The following BBS9 variants were observed in gnomAD, a reference collection of about 807,000 sequenced individuals.
BBS9 encodes the protein Bardet-Biedl syndrome 9.
In BBS9, 89 loss-of-function variants were observed where a neutral mutation model predicts 117.7. The observed-to-expected ratio is 0.76, with a 90% CI of 0.64 to 0.90. The LOEUF (loss-of-function observed/expected upper bound fraction) is 0.90. BBS9 is among the 40% of genes least tolerant of loss of function. The pLI is 0.00. For synonymous variants in BBS9, 379 were observed against 370.9 expected (o/e 1.02, Z -0.25); for missense variants, 982 against 1,042.2 (o/e 0.94, Z 0.80).
intron 5 of BBS9, among the ~76,000 whole-genome samples, chr7:33,210,774 G>C (rs1037222081): frequency 6.6e-6 from 1 of 151,874 alleles, no homozygotes; most frequent in Non-Finnish European, 1.5e-5. Flanking sequence ...CCTCTGCCTC[G>C]GTCTCCCAAA....
At chr7:33,489,527 G>T (rs1011367294) in intron 19 of BBS9, among the ~76,000 whole-genome samples, 4 of 151,938 alleles carry the variant, frequency 2.6e-5, no homozygotes, top group African/African-American at 9.7e-5. Context: ...ACTAAGAGGA[G>T]ACTGCTCAAC....
intron 9 of BBS9, among the ~76,000 whole-genome samples, chr7:33,300,187 C>T (rs1407288694): frequency 6.6e-6 from 1 of 152,126 alleles, no homozygotes; most frequent in African/African-American, 2.4e-5. Context: ...ATCCTGGAGA[C>T]TCAGCAGGGA....
intron 19 of BBS9, among the ~76,000 whole-genome samples, chr7:33,449,205 G>A (rs1180425967): frequency 6.6e-6 from 1 of 152,142 alleles, no homozygotes; most frequent in African/African-American, 2.4e-5. Flanking sequence ...ACTTTAGCTG[G>A]GGTGTCAGCC....
At chr7:33,243,003 G>A (rs186308559) in intron 5 of BBS9, 32 of 518,172 alleles carry the variant, frequency 6.2e-5, no homozygotes, top group African/African-American at 5.2e-4. Flanking sequence ...CAGTAAATGA[G>A]GACAATAATT....
intron 19 of BBS9, among the ~76,000 whole-genome samples, chr7:33,436,255 A>G (rs1437317271): frequency 6.6e-6 from 1 of 152,178 alleles, no homozygotes; most frequent in Non-Finnish European, 1.5e-5. Context: ...CAAAACATAC[A>G]CCATTGCTAT....
intron 21 of BBS9, among the ~76,000 whole-genome samples, chr7:33,536,681 T>TCCCCCCCCCC (rs1563323298): frequency 1.6e-4 from 7 of 44,278 alleles, no homozygotes; most frequent in South Asian, 7.2e-4. Flanking sequence ...GATTCGGCCT[T>TCCCCCCCCCC]CCCCCCGCCC....
At position 33,556,175 on chromosome 7, in the gene BBS9, C is replaced by G. The variant is rs192616460; in HGVS notation, c.2521+21999C>G. On this transcript the variant is annotated intron_variant, in intron 21 of 22. Coordinates refer to ENST00000242067, the MANE Select transcript of BBS9 (RefSeq NM_198428.3). ...CAAAAATTTATTAGACAGCAAGTCT[C>G]TCTCACGGCAATAGGAGTGAGTTTA... is the stretch of plus-strand genomic sequence containing the variant. Among the ~76,000 whole-genome samples the G allele has an allele frequency of 2.2e-4, 34 of 152,310 alleles. 1 individual carries two copies. The highest frequency in any genetic ancestry group is 7.5e-4 in the African/African-American group (31 of 41,576).
At chr7:33,427,681 G>A (rs146627896) in intron 19 of BBS9, among the ~76,000 whole-genome samples, 2 of 152,164 alleles carry the variant, frequency 1.3e-5, no homozygotes, top group East Asian at 3.9e-4. Flanking sequence ...CAGTTTACAC[G>A]GGTTTTCTGA....
intron 19 of BBS9, among the ~76,000 whole-genome samples, chr7:33,474,494 A>G (rs1161405625): frequency 6.6e-6 from 1 of 152,060 alleles, no homozygotes; most frequent in African/African-American, 2.4e-5. Context: ...TCCATGTCTC[A>G]CTTTTCTTAT....
intron 20 of BBS9, among the ~76,000 whole-genome samples, chr7:33,508,412 G>C (rs1245257438): frequency 6.6e-6 from 1 of 152,142 alleles, no homozygotes; most frequent in Non-Finnish European, 1.5e-5. Flanking sequence ...GGTTCTCATG[G>C]AAAGCCTCTC....
chr7:33,345,048 T>C (rs1164805899), intron 12 of BBS9, among the ~76,000 whole-genome samples: 1 of 152,234 alleles, frequency 6.6e-6, no homozygotes, highest in African/African-American at 2.4e-5. Context: ...GGTAATATCT[T>C]TCTTCTACCT....
At chr7:33,463,528 T>A (rs2128938011) in intron 19 of BBS9, among the ~76,000 whole-genome samples, 1 of 152,184 alleles carries the variant, frequency 6.6e-6, no homozygotes, top group East Asian at 1.9e-4. Flanking sequence ...GGACTGTGAG[T>A]TTATACAGTA....
At chr7:33,479,985 T>G (rs1842314384) in intron 19 of BBS9, among the ~76,000 whole-genome samples, 1 of 152,176 alleles carries the variant, frequency 6.6e-6, no homozygotes, top group Admixed American at 6.5e-5. Context: ...GGATGCATAG[T>G]TTGCAAATAT....
At chr7:33,359,146 A>T (rs1360738756) in intron 16 of BBS9, among the ~76,000 whole-genome samples, 2 of 151,878 alleles carry the variant, frequency 1.3e-5, no homozygotes, top group Admixed American at 6.6e-5. Context: ...AAAAAAACAG[A>T]CTCACTACCT....
chr7:33,164,100 T>C (rs1037245636), intron 4 of BBS9, among the ~76,000 whole-genome samples: 4 of 152,234 alleles, frequency 2.6e-5, no homozygotes, highest in African/African-American at 9.6e-5. Context: ...CCAGTAGTCA[T>C]TCAGGAGCAG....
chr7:33,522,203 A>C (rs1427784144), intron 20 of BBS9, among the ~76,000 whole-genome samples: 1 of 152,084 alleles, frequency 6.6e-6, no homozygotes, highest in African/African-American at 2.4e-5. Flanking sequence ...GCTGCAGTAA[A>C]CATACCTGTG....
At chr7:33,385,382 T>C (rs1177714469) in intron 18 of BBS9, among the ~76,000 whole-genome samples, 1 of 152,228 alleles carries the variant, frequency 6.6e-6, no homozygotes, top group South Asian at 2.1e-4. Context: ...GATTTTAAAC[T>C]TTGAATACAG....
intron 19 of BBS9, among the ~76,000 whole-genome samples, chr7:33,505,101 A>AT (rs1845957560): frequency 1.3e-5 from 2 of 152,194 alleles, no homozygotes; most frequent in Non-Finnish European, 2.9e-5. Context: ...GTTTTAATTG[A>AT]TTAATTTATG....
At chr7:33,208,052 A>C (rs1256877302) in intron 5 of BBS9, among the ~76,000 whole-genome samples, 1 of 151,928 alleles carries the variant, frequency 6.6e-6, no homozygotes, top group Non-Finnish European at 1.5e-5. Context: ...CAGGTGATCC[A>C]CCCGCCTTGG....
Sources: allele counts gnomAD v4.1 joint callset (sites outside exome capture counted in the v4.1 genomes callset), GRCh38; gene constraint gnomAD v4.1.1; transcripts MANE v1.5; gene names NCBI Gene and HGNC (gene_info 2026-07-23, HGNC 2026-07-21).